FARP1: variants seen among roughly 807,000 people sequenced by gnomAD.
FARP1 encodes FERM, ARH/RhoGEF and pleckstrin domain protein 1, also known as FERM, ARHGEF and pleckstrin domain-containing protein 1.
FARP1 carries 52 observed loss-of-function variants against 128.8 expected under a neutral mutation model. That is an observed-to-expected ratio of 0.40 (90% CI 0.32 to 0.51). The LOEUF is 0.51. FARP1 is among the 20% of genes least tolerant of loss of function. The probability of loss-of-function intolerance (pLI) is 0.45; values close to 1 mark genes in which losing one functional copy is unlikely to be tolerated. For missense variants in FARP1, 1,333 were observed against 1,367.9 expected (o/e 0.97, Z 0.40); for synonymous variants, 580 against 551.8 (o/e 1.05, Z -0.72).
At chr13:98,284,661 TGACTCCCTTTG>T (rs1243804113) in intron 2 of FARP1, among the ~76,000 whole-genome samples, 1 of 152,252 alleles carries the variant, frequency 6.6e-6, no homozygotes, top group Non-Finnish European at 1.5e-5. Flanking sequence ...TCTGAGTTAC[TGACTCCCTTTG>T]TCCCTCAATG....
chr13:98,206,516 T>G (rs1271830964), intron 1 of FARP1, among the ~76,000 whole-genome samples: 2 of 152,196 alleles, frequency 1.3e-5, no homozygotes, highest in Non-Finnish European at 2.9e-5. Flanking sequence ...CTCCAAGCAT[T>G]TTCCTTCCCT....
chr13:98,373,202 A>G (rs895766487), intron 5 of FARP1, among the ~76,000 whole-genome samples: 4 of 152,142 alleles, frequency 2.6e-5, no homozygotes, highest in East Asian at 3.9e-4. Context: ...GATTGTCACC[A>G]AAGGTCCCCA....
chr13:98,300,396 G>A (rs952109483), intron 2 of FARP1, among the ~76,000 whole-genome samples: 1 of 152,188 alleles, frequency 6.6e-6, no homozygotes, highest in African/African-American at 2.4e-5. Flanking sequence ...CTCTATCATC[G>A]TTCTAACCGG....
chr13:98,325,641 C>T (rs1040198113), intron 2 of FARP1, among the ~76,000 whole-genome samples: 4 of 152,156 alleles, frequency 2.6e-5, no homozygotes, highest in Admixed American at 6.5e-5. Context: ...ATTACACAGC[C>T]GTGACAGAAG....
chr13:98,168,171 C>CAAAA (rs61061654), intron 1 of FARP1, among the ~76,000 whole-genome samples: 1 of 140,356 alleles, frequency 7.1e-6, no homozygotes, highest in Non-Finnish European at 1.5e-5. Context: ...GACTCCATCT[C>CAAAA]AAAAAAAAAA....
intron 2 of FARP1, among the ~76,000 whole-genome samples, chr13:98,245,927 C>T (rs1440802801): frequency 2.0e-5 from 3 of 151,500 alleles, no homozygotes; most frequent in Admixed American, 2.0e-4. Context: ...CGCCGCCACG[C>T]CACCATGCCC....
chr13:98,342,355 G>C (rs57083190), intron 2 of FARP1, among the ~76,000 whole-genome samples: 5,580 of 152,286 alleles, frequency 0.037, 310 homozygotes, highest in African/African-American at 0.12. Flanking sequence ...CCTTCAGTAG[G>C]TGAATAAACT....
chr13:98,446,920 C>T, intron 26 of FARP1, 103 bp downstream of exon 26: 1 of 1,265,488 alleles, frequency 7.9e-7, no homozygotes. Context: ...CCCACCCTTC[C>T]CTGCCAACTA....
intron 16 of FARP1, among the ~76,000 whole-genome samples, chr13:98,423,144 C>A (rs1891652039): frequency 6.6e-6 from 1 of 152,138 alleles, no homozygotes; most frequent in South Asian, 2.1e-4. Context: ...ATTCTGGCCA[C>A]GCTGGCAGCC....
chr13:98,403,425 G>T (rs1235426510), intron 13 of FARP1: 2 of 152,200 alleles, frequency 1.3e-5, no homozygotes, highest in East Asian at 1.9e-4. Context: ...CCATGGATTT[G>T]CCTTTATGTT....
chr13:98,390,101 G>C lies in FARP1; in HGVS notation c.1000G>C (p.Gly334Arg). 3.1e-6 allele frequency: 5 copies of C among 1,613,844 alleles called. No homozygotes were observed. The highest frequency in any genetic ancestry group is 4.2e-6 in the Non-Finnish European group (5 of 1,179,938). Residue 334 changes from glycine (G) to arginine (R), a missense_variant, in exon 10 of 27, where the codon GGG (glycine) becomes CGG (arginine). This residue lies in a region of FARP1 where 1,009 missense variants were observed against 969.8 expected (regional missense o/e 1.04). Transcript: ENST00000319562. The stretch of plus-strand genomic sequence containing the variant: ...GCCCAAGCCCGTCCTCTTTAGCCGG[G>C]GGTCATCATTTCGGTTCAGGTGAGG... ...PKPKPVLFSR[G>R]SSFRFSGRTQ...
At chr13:98,186,126 G>A (rs1189417057) in intron 1 of FARP1, among the ~76,000 whole-genome samples, 1 of 151,658 alleles carries the variant, frequency 6.6e-6, no homozygotes, top group Non-Finnish European at 1.5e-5. Context: ...TTTTGAAACG[G>A]AGTTTCGCTC....
At chr13:98,368,877 A>G (rs1411985630) in intron 5 of FARP1, among the ~76,000 whole-genome samples, 3 of 150,636 alleles carry the variant, frequency 2.0e-5, no homozygotes, top group African/African-American at 7.3e-5. Context: ...CATCATCACC[A>G]TCGTCATTAT....
At chr13:98,411,496 C>T (rs997136132) in intron 15 of FARP1, among the ~76,000 whole-genome samples, 1 of 152,154 alleles carries the variant, frequency 6.6e-6, no homozygotes, top group African/African-American at 2.4e-5. Flanking sequence ...GTTTGGCCAC[C>T]TTCATGCCCA....
chr13:98,170,272 C>G (rs1877562686), intron 1 of FARP1, among the ~76,000 whole-genome samples: 1 of 152,052 alleles, frequency 6.6e-6, no homozygotes, highest in Non-Finnish European at 1.5e-5. Flanking sequence ...CAACCTCTGC[C>G]TCCCGTGTTC....
In FARP1 at chr13:98,225,918, A is replaced by G. The variant is rs146863446; in HGVS notation, c.171+12505A>G. ...GCGTTTTTGTACATCCCTTTTACCC[A>G]CATGCACTCTTGGGGAGGTCAGTGA... On this transcript the variant is annotated intron_variant, in intron 2 of 26. Transcript: ENST00000319562. Among the ~76,000 whole-genome samples, 657 of 152,242 alleles carry G rather than the reference A, an allele frequency of 4.3e-3. 3 individuals are homozygous for G. The highest frequency in any genetic ancestry group is 0.014 in the African/African-American group (597 of 41,530).
At chr13:98,349,437 C>G (rs578192818) in intron 3 of FARP1, among the ~76,000 whole-genome samples, 8 of 151,930 alleles carry the variant, frequency 5.3e-5, no homozygotes, top group African/African-American at 1.9e-4. Context: ...TTTGGGAGGC[C>G]GAGGCAGGCA....
At chr13:98,333,436 T>TACACACAC (rs60264788) in intron 2 of FARP1, among the ~76,000 whole-genome samples, 5,946 of 139,638 alleles carry the variant, frequency 0.043, 162 homozygotes, top group African/African-American at 0.057. Flanking sequence ...CCCCCACATG[T>TACACACAC]ACACACACAC....
chr13:98,222,184 A>G (rs150033771), intron 2 of FARP1, among the ~76,000 whole-genome samples: 1 of 152,300 alleles, frequency 6.6e-6, no homozygotes, highest in East Asian at 1.9e-4. Flanking sequence ...CCAGATACCC[A>G]CAGTGGAATT....
Sources: allele counts gnomAD v4.1 joint callset (sites outside exome capture counted in the v4.1 genomes callset), GRCh38; gene constraint gnomAD v4.1.1; regional missense constraint gnomAD v4.1.1; transcripts MANE v1.5; gene names NCBI Gene and HGNC (gene_info 2026-07-23, HGNC 2026-07-21).